Variants in INPP4B observed in about 807,000 individuals in gnomAD.
INPP4B encodes the protein inositol polyphosphate 4-phosphatase type II.
INPP4B carries 55 observed loss-of-function variants against 122.5 expected under a neutral mutation model. That is an observed-to-expected ratio of 0.45 (90% CI 0.36 to 0.56). The LOEUF (loss-of-function observed/expected upper bound fraction) is 0.56, where lower values mean the gene tolerates loss of function less well. Among genes scored for constraint, INPP4B ranks in the 20% least tolerant of loss-of-function variants. The probability of loss-of-function intolerance (pLI) is 0.00; values close to 1 mark genes in which losing one functional copy is unlikely to be tolerated. For synonymous variants in INPP4B, 403 were observed against 388.7 expected (o/e 1.04, Z -0.43); for missense variants, 1,000 against 1,097.7 (o/e 0.91, Z 1.26).
At chr4:142,164,040 A>G (rs948730253) in intron 16 of INPP4B, among the ~76,000 whole-genome samples, 13 of 151,896 alleles carry the variant, frequency 8.6e-5, no homozygotes, top group African/African-American at 3.1e-4. Context: ...TTCATATTAG[A>G]AAATGAAAGA....
intron 15 of INPP4B, among the ~76,000 whole-genome samples, chr4:142,181,200 T>C (rs1392539595): frequency 6.6e-6 from 1 of 152,200 alleles, no homozygotes; most frequent in Non-Finnish European, 1.5e-5. Flanking sequence ...CAGGGCTTGC[T>C]TACTAACCAC....
intron 7 of INPP4B, among the ~76,000 whole-genome samples, chr4:142,337,927 G>A (rs1180201558): frequency 6.6e-6 from 1 of 151,158 alleles, no homozygotes; most frequent in Non-Finnish European, 1.5e-5. Flanking sequence ...CAAAGTGAGG[G>A]GAAAAAGGAG....
intron 5 of INPP4B, among the ~76,000 whole-genome samples, chr4:142,422,350 T>C (rs1807085650): frequency 1.3e-5 from 2 of 152,248 alleles, no homozygotes; most frequent in African/African-American, 4.8e-5. Flanking sequence ...GAGAAATTCA[T>C]GACATGCTGT....
intron 7 of INPP4B, among the ~76,000 whole-genome samples, chr4:142,355,193 C>A (rs1255529833): frequency 6.6e-6 from 1 of 152,028 alleles, no homozygotes; most frequent in African/African-American, 2.4e-5. Flanking sequence ...TATATCACTT[C>A]TGTTGCATTC....
intron 11 of INPP4B, among the ~76,000 whole-genome samples, chr4:142,241,995 C>T (rs1441033652): frequency 6.6e-6 from 1 of 152,160 alleles, no homozygotes; most frequent in Admixed American, 6.5e-5. Flanking sequence ...TACTACACTG[C>T]AGATTCTTGT....
At chr4:142,401,653 C>G (rs1370916157) in intron 7 of INPP4B, among the ~76,000 whole-genome samples, 1 of 152,090 alleles carries the variant, frequency 6.6e-6, no homozygotes, top group African/African-American at 2.4e-5. Context: ...GTCAGTAACA[C>G]TTTACGTATA....
chr4:142,451,791 T>G (rs79130203), intron 3 of INPP4B, among the ~76,000 whole-genome samples: 1,947 of 152,264 alleles, frequency 0.013, 38 homozygotes, highest in African/African-American at 0.044. Context: ...AGACCTCAGC[T>G]GAACAAACAG....
rs1437448560 is a variant in INPP4B, at chr4:142,156,546, G to C, written c.1563+3812C>G. On this transcript the variant is annotated intron_variant, in intron 17 of 25. Transcript: ENST00000262992. ...TTATACAATCCCAAATATTCCTTTG[G>C]GGTTTAATTGTTTACTAGCTTTTCA... 6.6e-5 allele frequency among the ~76,000 whole-genome samples: 10 copies of C among 152,146 alleles called. No individual in the cohort carries two copies. In the East Asian group the frequency reaches 1.9e-3, roughly 29 times the overall value.
At chr4:142,583,953 A>C (rs973168273) in intron 2 of INPP4B, among the ~76,000 whole-genome samples, 2 of 151,956 alleles carry the variant, frequency 1.3e-5, no homozygotes, top group East Asian at 3.9e-4. Context: ...TTAAAACTTC[A>C]ATCTCTCAGT....
chr4:142,827,065 T>C (rs1390852281), intron 1 of INPP4B, among the ~76,000 whole-genome samples: 1 of 152,208 alleles, frequency 6.6e-6, no homozygotes, highest in Non-Finnish European at 1.5e-5. Context: ...CTAATAGTCA[T>C]TCACTTTCTA....
chr4:142,446,196 T>C (rs1476803807), intron 3 of INPP4B, among the ~76,000 whole-genome samples: 1 of 151,792 alleles, frequency 6.6e-6, no homozygotes, highest in East Asian at 1.9e-4. Context: ...ATATTAATCA[T>C]GTGAGCAAAT....
At chr4:142,710,367 A>T (rs1389267515) in intron 2 of INPP4B, among the ~76,000 whole-genome samples, 1 of 152,212 alleles carries the variant, frequency 6.6e-6, no homozygotes, top group African/African-American at 2.4e-5. Flanking sequence ...AATGGCCAAG[A>T]TATGATACTG....
intron 12 of INPP4B, among the ~76,000 whole-genome samples, chr4:142,209,545 C>A (rs1390375395): frequency 4.0e-5 from 6 of 151,874 alleles, no homozygotes; most frequent in African/African-American, 1.5e-4. Flanking sequence ...GTAATCCCAG[C>A]ACTTTGGGAA....
chr4:142,705,688 A>G (rs1408602692), intron 2 of INPP4B, among the ~76,000 whole-genome samples: 4 of 152,150 alleles, frequency 2.6e-5, no homozygotes, highest in African/African-American at 9.6e-5. Context: ...ACTTTCAACA[A>G]TCTATTAATG....
chr4:142,223,940 G>C (rs762990724), intron 12 of INPP4B, among the ~76,000 whole-genome samples: 9 of 152,106 alleles, frequency 5.9e-5, no homozygotes, highest in Non-Finnish European at 1.2e-4. Context: ...AAGTTTATTT[G>C]ATATATATGA....
intron 2 of INPP4B, among the ~76,000 whole-genome samples, chr4:142,717,170 G>C (rs1223939282): frequency 6.6e-6 from 1 of 152,154 alleles, no homozygotes; most frequent in East Asian, 1.9e-4. Context: ...GGTAGACCTT[G>C]AAATACATGC....
At chr4:142,584,975 G>A (rs933951230) in intron 2 of INPP4B, among the ~76,000 whole-genome samples, 1 of 152,062 alleles carries the variant, frequency 6.6e-6, no homozygotes, top group African/African-American at 2.4e-5. Context: ...ACTTCATTTT[G>A]TTGCTAAAAT....
intron 2 of INPP4B, among the ~76,000 whole-genome samples, chr4:142,468,729 C>T (rs796802191): frequency 2.6e-5 from 4 of 152,278 alleles, no homozygotes; most frequent in African/African-American, 7.2e-5. Flanking sequence ...TAGAAGTAGC[C>T]TGAAGCCCTC....
At chr4:142,565,785 C>T (rs1560808375) in intron 2 of INPP4B, among the ~76,000 whole-genome samples, 2 of 152,188 alleles carry the variant, frequency 1.3e-5, no homozygotes, top group Admixed American at 6.5e-5. Context: ...TCAAAGTTAA[C>T]ATTTTCAGTA....
Sources: allele counts gnomAD v4.1 joint callset (sites outside exome capture counted in the v4.1 genomes callset), GRCh38; gene constraint gnomAD v4.1.1; transcripts MANE v1.5; gene names NCBI Gene and HGNC (gene_info 2026-07-23, HGNC 2026-07-21).